The following BARD1 variants were observed in gnomAD, a reference collection of about 807,000 sequenced individuals.
The protein encoded by BARD1 is BRCA1 associated RING domain 1, also known as BRCA1-associated RING domain protein 1.
A neutral mutation model predicts 77.0 loss-of-function variants in BARD1; 73 were observed. The observed-to-expected ratio is 0.95, with a 90% CI of 0.79 to 1.15. The LOEUF (loss-of-function observed/expected upper bound fraction) is 1.15. Ranked by LOEUF, BARD1 falls within the 50% of genes most tolerant of loss-of-function variation. The pLI, the probability that BARD1 is intolerant of heterozygous loss-of-function variation, is 0.00. For synonymous variants in BARD1, 384 were observed against 338.0 expected (o/e 1.14, Z -1.49); for missense variants, 993 against 938.8 (o/e 1.06, Z -0.75).
intron 4 of BARD1, among the ~76,000 whole-genome samples, chr2:214,773,724 T>TGCTGCTG (rs1441339512): frequency 6.6e-6 from 1 of 152,224 alleles, no homozygotes; most frequent in African/African-American, 2.4e-5. Context: ...CTTGCCTTGA[T>TGCTGCTG]GCTGCTGGCT....
At position 214,775,770 on chromosome 2, in the gene BARD1, G is replaced by C. The variant is rs140519752; in HGVS notation, c.1314+4790C>G. On this transcript the variant is annotated intron_variant, in intron 4 of 10. Transcript: ENST00000260947. ...ACAATAAGTTACTGGTATTACAAAA[G>C]CAGACTTATACATATGTGGTGAGTG... Among the ~76,000 whole-genome samples, 25 of 152,302 alleles carry C rather than the reference G, an allele frequency of 1.6e-4. No individual in the cohort carries two copies. In the East Asian group the frequency reaches 4.8e-3, roughly 29 times the overall value.
chr2:214,801,849 C>CGG (rs11457040), intron 1 of BARD1, among the ~76,000 whole-genome samples: 4,164 of 113,330 alleles, frequency 0.037, 240 homozygotes, highest in South Asian at 0.042. Flanking sequence ...AAATATTTGG[C>CGG]GGGGGGGGGG....
intron 6 of BARD1, among the ~76,000 whole-genome samples, chr2:214,767,149 A>G (rs963626643): frequency 6.6e-6 from 1 of 152,228 alleles, no homozygotes; most frequent in African/African-American, 2.4e-5. Flanking sequence ...ACAAAAAAAC[A>G]TGATCTCATT....
intron 3 of BARD1, among the ~76,000 whole-genome samples, chr2:214,790,548 T>A (rs894199775): frequency 6.6e-6 from 1 of 152,144 alleles, no homozygotes; most frequent in African/African-American, 2.4e-5. Flanking sequence ...TGCATACACT[T>A]TCATCTCAGA....
chr2:214,765,131 G>A (rs1694137321), intron 6 of BARD1, among the ~76,000 whole-genome samples: 1 of 152,174 alleles, frequency 6.6e-6, no homozygotes, highest in Admixed American at 6.5e-5. Context: ...ATTTTCAAGT[G>A]TTCAATAGTA....
chr2:214,807,261 T>C (rs1025486590), intron 1 of BARD1, among the ~76,000 whole-genome samples: 2 of 151,960 alleles, frequency 1.3e-5, no homozygotes, highest in African/African-American at 4.8e-5. Context: ...TGTAGTCAAA[T>C]GGGTGAGCCA....
chr2:214,755,681 T>A (rs1278896483), intron 6 of BARD1, among the ~76,000 whole-genome samples: 1 of 152,026 alleles, frequency 6.6e-6, no homozygotes, highest in Non-Finnish European at 1.5e-5. Context: ...ATGCAACTGA[T>A]GGAAGAAAGC....
intron 3 of BARD1, among the ~76,000 whole-genome samples, chr2:214,791,444 C>A (rs2121285): frequency 6.6e-6 from 1 of 152,056 alleles, no homozygotes. Context: ...GTCAAGAACA[C>A]GTTCTTCTAC....
chr2:214,792,195 G>T, intron 3 of BARD1, 102 bp downstream of exon 3: 17 of 855,678 alleles, frequency 2.0e-5, no homozygotes, highest in East Asian at 1.0e-4. Context: ...TCTGAAATAC[G>T]TATTCCAGAA....
At chr2:214,763,521 G>A (rs1286361066) in intron 6 of BARD1, among the ~76,000 whole-genome samples, 1 of 152,132 alleles carries the variant, frequency 6.6e-6, no homozygotes, top group Non-Finnish European at 1.5e-5. Flanking sequence ...GTCTATGCTA[G>A]AGCTAAAGGA....
intron 9 of BARD1, among the ~76,000 whole-genome samples, chr2:214,742,033 A>G (rs1381839987): frequency 6.6e-6 from 1 of 152,230 alleles, no homozygotes; most frequent in African/African-American, 2.4e-5. Flanking sequence ...GAGAAATCCC[A>G]TGAAAAGTTA....
chr2:214,741,744 G>C (rs1439834382), intron 9 of BARD1, among the ~76,000 whole-genome samples: 1 of 152,126 alleles, frequency 6.6e-6, no homozygotes, highest in Non-Finnish European at 1.5e-5. Context: ...AGATAGACTG[G>C]ATGGTCTGTA....
At chr2:214,778,913 G>A (rs769470710) in intron 4 of BARD1, among the ~76,000 whole-genome samples, 24 of 152,076 alleles carry the variant, frequency 1.6e-4, no homozygotes, top group Non-Finnish European at 2.9e-4. Context: ...AAATTTCCCA[G>A]AAAGCAAAAT....
intron 10 of BARD1, among the ~76,000 whole-genome samples, chr2:214,729,406 C>G (rs1343093819): frequency 6.6e-6 from 1 of 152,152 alleles, no homozygotes; most frequent in African/African-American, 2.4e-5. Context: ...GATTTTGGAG[C>G]ATTTTAGATG....
intron 1 of BARD1, among the ~76,000 whole-genome samples, chr2:214,807,760 C>G (rs899558476): frequency 1.3e-5 from 2 of 151,926 alleles, no homozygotes; most frequent in African/African-American, 4.8e-5. Flanking sequence ...ACTTGGCCTA[C>G]TCAATAGTGT....
At chr2:214,790,479 G>C (rs935785465) in intron 3 of BARD1, among the ~76,000 whole-genome samples, 2 of 152,090 alleles carry the variant, frequency 1.3e-5, no homozygotes, top group Admixed American at 1.3e-4. Context: ...CCATCTACAA[G>C]ACAAGGAGAC....
At chr2:214,738,436 G>A (rs1179982309) in intron 9 of BARD1, among the ~76,000 whole-genome samples, 3 of 152,024 alleles carry the variant, frequency 2.0e-5, no homozygotes, top group Non-Finnish European at 4.4e-5. Flanking sequence ...ATGAATTCCA[G>A]GGCTACAACA....
chr2:214,775,583 T>A (rs952423751), intron 4 of BARD1, among the ~76,000 whole-genome samples: 30 of 152,238 alleles, frequency 2.0e-4, no homozygotes, highest in African/African-American at 7.2e-4. Context: ...AGAGACACAC[T>A]GAGCATAGGC....
At chr2:214,740,215 A>G (rs910184790) in intron 9 of BARD1, among the ~76,000 whole-genome samples, 3 of 152,074 alleles carry the variant, frequency 2.0e-5, no homozygotes, top group African/African-American at 4.8e-5. Context: ...GACAATCACC[A>G]TATTCAAATG....
Sources: allele counts gnomAD v4.1 joint callset (sites outside exome capture counted in the v4.1 genomes callset), GRCh38; gene constraint gnomAD v4.1.1; transcripts MANE v1.5; gene names NCBI Gene and HGNC (gene_info 2026-07-23, HGNC 2026-07-21).